TRAPPC6B: variants seen among roughly 807,000 people sequenced by gnomAD.
TRAPPC6B encodes trafficking protein particle complex subunit 6B.
In TRAPPC6B, 27 loss-of-function variants were observed where a neutral mutation model predicts 24.7. The observed-to-expected ratio is 1.09, with a 90% CI of 0.81 to 1.51. TRAPPC6B has a LOEUF of 1.51. Among genes scored for constraint, TRAPPC6B ranks in the 40% most tolerant of loss-of-function variants. TRAPPC6B has a pLI of 0.00. For synonymous variants in TRAPPC6B, 80 were observed against 66.6 expected (o/e 1.20, Z -0.98); for missense variants, 212 against 190.8 (o/e 1.11, Z -0.66).
intron 1 of TRAPPC6B, among the ~76,000 whole-genome samples, chr14:39,161,911 C>T (rs1311619495): frequency 2.6e-5 from 4 of 152,178 alleles, no homozygotes; most frequent in Non-Finnish European, 5.9e-5. Context: ...GTCCCAGGCC[C>T]GTAGCGATGA....
intron 3 of TRAPPC6B, 93 bp downstream of exon 3, chr14:39,158,192 G>T (rs1182522360): frequency 2.8e-6 from 2 of 715,802 alleles, no homozygotes; most frequent in East Asian, 2.8e-5. Flanking sequence ...AAGTTAACCA[G>T]AAATTATTTT....
chr14:39,154,379 GT>G, intron 3 of TRAPPC6B, 85 bp from the exon 4 acceptor site: 1 of 858,274 alleles, frequency 1.2e-6, no homozygotes, highest in Non-Finnish European at 1.8e-6. Context: ...CAATTTAAGT[GT>G]TTTTTAAAGT....
At chr14:39,165,292 G>A (rs1236498151) in intron 1 of TRAPPC6B, among the ~76,000 whole-genome samples, 2 of 152,086 alleles carry the variant, frequency 1.3e-5, no homozygotes, top group African/African-American at 2.4e-5. Context: ...TGATCCGCCC[G>A]CCTCGGCCTC....
At chr14:39,161,668 C>T (rs529885533) in intron 1 of TRAPPC6B, among the ~76,000 whole-genome samples, 24 of 152,316 alleles carry the variant, frequency 1.6e-4, no homozygotes, top group African/African-American at 5.5e-4. Context: ...AGAGCCAACT[C>T]TCTTACCGTA....
intron 5 of TRAPPC6B, among the ~76,000 whole-genome samples, chr14:39,151,282 C>A (rs1210172243): frequency 6.8e-6 from 1 of 148,088 alleles, no homozygotes; most frequent in Non-Finnish European, 1.5e-5. Flanking sequence ...CCCAGCTACT[C>A]GGGAGGTTGA....
Position 39,148,529 on chromosome 14 carries a change from A to T in TRAPPC6B, c.*1821T>A, listed in dbSNP as rs549701060. 3.0e-4 allele frequency: 119 copies of T among 397,164 alleles called. No homozygotes were observed. Among genetic ancestry groups the T allele is most frequent in the Non-Finnish European group, 4.7e-4 (105 of 225,398 alleles). The allele number at this position is 397,164 out of a possible 1,614,324, so 24.6% of individuals were successfully genotyped here. A position where few individuals can be genotyped will look rare whatever the true frequency, so the allele number is the denominator to read the frequency against. ...ATGGGTAGGCATATGAATGTCTAAC[A>T]AACCAACTTATTTGAACCCAGCTTT... On this transcript the variant is annotated 3_prime_UTR_variant, in exon 6 of 6. Transcript: ENST00000330149.
chr14:39,162,138 C>T (rs1042232793), intron 1 of TRAPPC6B, among the ~76,000 whole-genome samples: 3 of 152,114 alleles, frequency 2.0e-5, no homozygotes, highest in African/African-American at 7.2e-5. Flanking sequence ...TAAGAATAGA[C>T]GTTCCTCCAA....
rs1222837360 is a variant in TRAPPC6B at position 39,159,499 on chromosome 14, G to A, written c.133C>T (p.Gln45Ter). 1.2e-6 allele frequency: 2 copies of A among 1,604,700 alleles called. No individual in the cohort carries two copies. The highest frequency in any genetic ancestry group is 1.7e-6 in the Non-Finnish European group (2 of 1,175,104). ...CCTGCTCACCTTTCTATCAATCCTT[G>A]TCCCACTCGAAACCCCATGTTTTCC... The part of the protein sequence containing the change: ...KLENMGFRVG[Q>*]GLIERFTKDT... The change falls in exon 2 of 6, where the codon CAA becomes TAA. Residue 45 changes from glutamine to a stop codon, truncating the protein, a stop_gained. Transcript: ENST00000330149. LOFTEE classifies it high-confidence loss of function.
chr14:39,159,207 T>C (rs964938925), intron 2 of TRAPPC6B: 8 of 189,278 alleles, frequency 4.2e-5, no homozygotes, highest in African/African-American at 1.4e-4. Flanking sequence ...AGATTTTAGA[T>C]AGTTGCTTCA....
intron 1 of TRAPPC6B, among the ~76,000 whole-genome samples, chr14:39,167,032 C>T (rs2053115737): frequency 6.6e-6 from 1 of 152,174 alleles, no homozygotes; most frequent in African/African-American, 2.4e-5. Flanking sequence ...GGAAGAAGAA[C>T]CCACTGGGCA....
chr14:39,154,397 AAGTCTC>A, intron 3 of TRAPPC6B, 103 bp from the exon 4 acceptor site: 1 of 757,448 alleles, frequency 1.3e-6, no homozygotes, highest in Non-Finnish European at 2.1e-6. Context: ...AAGTTATTAA[AAGTCTC>A]CTTCCCATTG....
At chr14:39,154,489 G>A (rs530011643) in intron 3 of TRAPPC6B, among the ~76,000 whole-genome samples, 195 bp from the exon 4 acceptor site, 5 of 152,174 alleles carry the variant, frequency 3.3e-5, no homozygotes, top group African/African-American at 9.6e-5. Flanking sequence ...GCACAATTAC[G>A]CCTCACTGCA....
At position 39,149,923 on chromosome 14, in the gene TRAPPC6B, A is replaced by C. The variant is rs1429731180; in HGVS notation, c.*427T>G. 6.5e-6 allele frequency: 1 copy of C among 154,170 alleles called. No homozygotes were observed. Among genetic ancestry groups the C allele is most frequent in the African/African-American group, 2.4e-5 (1 of 41,530 alleles). The allele number at this position is 154,170 out of a possible 1,614,324, so 9.6% of individuals were successfully genotyped here. ...TAAATTATAAGCAATAAAATAAAAA[A>C]AATTTAGTATGTTTGCTTTTTAAAA... On this transcript the variant is annotated 3_prime_UTR_variant, in exon 6 of 6. Coordinates refer to ENST00000330149, the MANE Select transcript of TRAPPC6B (RefSeq NM_001079537.2).
At chr14:39,151,614 C>G (rs2052914733) in intron 5 of TRAPPC6B, 132 bp downstream of exon 5, 1 of 646,796 alleles carries the variant, frequency 1.5e-6, no homozygotes, top group African/African-American at 1.9e-5. Flanking sequence ...TATTACTACA[C>G]TAAAGTGTTA....
At chr14:39,169,872 G>A (rs928374301) in intron 1 of TRAPPC6B, 143 bp downstream of exon 1, 3 of 712,248 alleles carry the variant, frequency 4.2e-6, no homozygotes, top group Non-Finnish European at 7.4e-6. Context: ...AGGTTCTAGG[G>A]TTTAGGACAC....
chr14:39,151,584 A>T (rs8003485), intron 5 of TRAPPC6B, among the ~76,000 whole-genome samples, 162 bp downstream of exon 5: 140,756 of 151,932 alleles, frequency 0.93, 65,297 homozygotes, highest in East Asian at 0.95. Flanking sequence ...AATTACTGAA[A>T]ATGAATGTAG....
In TRAPPC6B at chr14:39,149,975, T is replaced by G. The variant is rs753628373; in HGVS notation, c.*375A>C. On this transcript the variant is annotated 3_prime_UTR_variant, in exon 6 of 6. Transcript: ENST00000330149. ...AAAACAAATTCATACTTTATCAAAATTTGTTCATTCTTCTCACAAATAATT... is the reference window on the plus strand; with the variant it reads ...AAAACAAATTCATACTTTATCAAAAGTTGTTCATTCTTCTCACAAATAATT... 1 of 164,462 alleles carries G rather than the reference T, an allele frequency of 6.1e-6. No homozygotes were observed. Among genetic ancestry groups the G allele is most frequent in the Non-Finnish European group, 1.3e-5 (1 of 76,156 alleles). 10.2% of individuals were successfully genotyped at this position (164,462 alleles called of 1,614,324 possible). A position where few individuals can be genotyped will look rare whatever the true frequency, so the allele number is the denominator to read the frequency against.
At chr14:39,166,343 G>T (rs772831395) in intron 1 of TRAPPC6B, among the ~76,000 whole-genome samples, 4 of 151,670 alleles carry the variant, frequency 2.6e-5, no homozygotes, top group African/African-American at 9.7e-5. Flanking sequence ...GCTCTCTGTA[G>T]AATCACCTAG....
chr14:39,166,708 T>C (rs1396592641), intron 1 of TRAPPC6B, among the ~76,000 whole-genome samples: 1 of 152,196 alleles, frequency 6.6e-6, no homozygotes, highest in East Asian at 1.9e-4. Context: ...ACTTCCCCAA[T>C]TACTCCTGTA....
Sources: gnomAD v4.1 joint callset for allele counts (sites outside exome capture counted in the v4.1 genomes callset) on GRCh38, gnomAD v4.1.1 for gene constraint, MANE v1.5 for transcripts, NCBI Gene and HGNC (gene_info 2026-07-23, HGNC 2026-07-21) for gene names.